C8orf34: variants seen among roughly 807,000 people sequenced by gnomAD.
The protein encoded by C8orf34 is uncharacterized protein C8orf34.
In C8orf34, 65 loss-of-function variants were observed where a neutral mutation model predicts 68.3. That is an observed-to-expected ratio of 0.95 (90% CI 0.78 to 1.17). The LOEUF is 1.17. Among genes scored for constraint, C8orf34 ranks in the 50% most tolerant of loss-of-function variants. The probability of loss-of-function intolerance (pLI) is 0.00; values close to 1 mark genes in which losing one functional copy is unlikely to be tolerated. For synonymous variants in C8orf34, 244 were observed against 241.2 expected (o/e 1.01, Z -0.11); for missense variants, 664 against 655.4 (o/e 1.01, Z -0.14).
At chr8:68,689,952 A>C (rs1820637879) in intron 8 of C8orf34, among the ~76,000 whole-genome samples, 1 of 152,012 alleles carries the variant, frequency 6.6e-6, no homozygotes, top group South Asian at 2.1e-4. Context: ...TCAAAGCCCC[A>C]ATTGCTACTG....
rs758118493 is a variant in C8orf34 at position 68,721,385 on chromosome 8, C to T, written c.1352C>T (p.Ala451Val). The stretch of plus-strand genomic sequence containing the variant: ...GATTCCTTGCCTGGGACTGAAGAAG[C>T]ACTAATGGAGGAGGGTGACGAATTT... ...SFDSLPGTEE[A>V]LMEEGDEFEK... Residue 451 changes from alanine to valine, a missense_variant, in exon 10 of 14, where the codon GCA becomes GTA. Ala to Val is a moderately conservative substitution (Grantham distance 64, BLOSUM62 0). Coordinates refer to ENST00000518698, the MANE Select transcript of C8orf34 (RefSeq NM_052958.4). 1 of 1,608,278 alleles carries T rather than the reference C, an allele frequency of 6.2e-7. No homozygotes were observed.
intron 8 of C8orf34, among the ~76,000 whole-genome samples, chr8:68,651,073 A>C (rs1819343803): frequency 6.6e-6 from 1 of 152,112 alleles, no homozygotes; most frequent in African/African-American, 2.4e-5. Context: ...CTATCTGCCT[A>C]AATTTCTTTC....
At chr8:68,414,126 C>G (rs1809562423) in intron 1 of C8orf34, among the ~76,000 whole-genome samples, 3 of 152,310 alleles carry the variant, frequency 2.0e-5, no homozygotes, top group Admixed American at 1.3e-4. Context: ...ATCACCCCCT[C>G]AGAGATGCTA....
chr8:68,450,104 T>A (rs1811284306), intron 3 of C8orf34, among the ~76,000 whole-genome samples: 2 of 152,268 alleles, frequency 1.3e-5, no homozygotes, highest in South Asian at 2.1e-4. Flanking sequence ...CACAACATCT[T>A]CACCTAGAGT....
intron 1 of C8orf34, among the ~76,000 whole-genome samples, chr8:68,387,383 T>C (rs1808305372): frequency 6.6e-6 from 1 of 152,146 alleles, no homozygotes; most frequent in Non-Finnish European, 1.5e-5. Context: ...CCTAGGGTGA[T>C]GGTTAAGTGG....
At chr8:68,404,127 T>C (rs1302072094) in intron 1 of C8orf34, among the ~76,000 whole-genome samples, 1 of 152,230 alleles carries the variant, frequency 6.6e-6, no homozygotes, top group Non-Finnish European at 1.5e-5. Context: ...TAATGACCAG[T>C]GATGATGAGC....
intron 1 of C8orf34, among the ~76,000 whole-genome samples, chr8:68,332,168 A>G (rs1805640537): frequency 6.6e-6 from 1 of 150,956 alleles, no homozygotes; most frequent in Non-Finnish European, 1.5e-5. Flanking sequence ...ACACGAGAAA[A>G]TGAGAACAAG....
intron 9 of C8orf34, among the ~76,000 whole-genome samples, chr8:68,714,800 A>G (rs1287943006): frequency 6.6e-6 from 1 of 152,200 alleles, no homozygotes; most frequent in Non-Finnish European, 1.5e-5. Flanking sequence ...GAACCGAAAA[A>G]GAGACTGCAT....
At chr8:68,660,853 C>G (rs927532067) in intron 8 of C8orf34, among the ~76,000 whole-genome samples, 2 of 151,970 alleles carry the variant, frequency 1.3e-5, no homozygotes, top group African/African-American at 4.8e-5. Context: ...TAGAAAAATT[C>G]CCTGTATTCA....
intron 7 of C8orf34, among the ~76,000 whole-genome samples, chr8:68,583,748 C>CT (rs920543583): frequency 7.2e-5 from 11 of 151,864 alleles, no homozygotes; most frequent in African/African-American, 1.7e-4. Flanking sequence ...ATAAACAATG[C>CT]TTTTTTTTCA....
At chr8:68,776,949 T>C (rs533752091) in intron 11 of C8orf34, among the ~76,000 whole-genome samples, 7 of 152,320 alleles carry the variant, frequency 4.6e-5, no homozygotes, top group African/African-American at 1.4e-4. Context: ...ACTTCTAGAT[T>C]TATTATTTTT....
intron 8 of C8orf34, among the ~76,000 whole-genome samples, chr8:68,692,163 G>A (rs1820703830): frequency 6.6e-6 from 1 of 151,972 alleles, no homozygotes; most frequent in Non-Finnish European, 1.5e-5. Context: ...CTGTCCATCT[G>A]GAATGGCTGA....
intron 10 of C8orf34, among the ~76,000 whole-genome samples, chr8:68,762,600 A>G (rs571085401): frequency 6.6e-6 from 1 of 152,328 alleles, no homozygotes; most frequent in East Asian, 1.9e-4. Context: ...AAATGCAAAC[A>G]CATGCAAAAA....
At chr8:68,537,144 C>A (rs1364166770) in intron 7 of C8orf34, among the ~76,000 whole-genome samples, 1 of 152,040 alleles carries the variant, frequency 6.6e-6, no homozygotes, top group East Asian at 1.9e-4. Flanking sequence ...AAAATAAGAA[C>A]AAGCATTTTG....
chr8:68,395,154 A>G (rs1205496050), intron 1 of C8orf34, among the ~76,000 whole-genome samples: 1 of 152,072 alleles, frequency 6.6e-6, no homozygotes, highest in Non-Finnish European at 1.5e-5. Context: ...AACTATCAGT[A>G]TGGAAATCCC....
At position 68,803,958 on chromosome 8, in the gene C8orf34, A is replaced by G. The variant is rs182058585; in HGVS notation, c.1550-11928A>G. On this transcript the variant is annotated intron_variant, in intron 12 of 13. Transcript: ENST00000518698. ...TTTGTGTTGCTTATGAACACTTATTACAAACATTTCTATGTAGAGAATTTA... is the reference window on the plus strand; with the variant it reads ...TTTGTGTTGCTTATGAACACTTATTGCAAACATTTCTATGTAGAGAATTTA... Among the ~76,000 whole-genome samples, 6 of 152,302 alleles carry G rather than the reference A, an allele frequency of 3.9e-5. No homozygotes were observed. In the East Asian group the frequency reaches 1.2e-3, roughly 29 times the overall value.
At chr8:68,662,760 T>A (rs2130814963) in intron 8 of C8orf34, among the ~76,000 whole-genome samples, 1 of 152,276 alleles carries the variant, frequency 6.6e-6, no homozygotes, top group Non-Finnish European at 1.5e-5. Context: ...TTCATAGGAA[T>A]CCCCTTTTTT....
Position 68,441,595 on chromosome 8 carries a change from C to T in C8orf34, c.475+1949C>T, listed in dbSNP as rs548087630. Among the ~76,000 whole-genome samples, 6 of 151,998 alleles carry T rather than the reference C, an allele frequency of 3.9e-5. No homozygotes were observed. In the South Asian group the frequency reaches 1.2e-3, roughly 32 times the overall value. On this transcript the variant is annotated intron_variant, in intron 2 of 13. Coordinates refer to ENST00000518698, the MANE Select transcript of C8orf34 (RefSeq NM_052958.4). ...TTCACTATAACCGTGAACTCCTGAG[C>T]TCAAGTGATCCTCCTGCTTCAGCCT...
At chr8:68,763,168 T>G (rs141512443) in intron 10 of C8orf34, among the ~76,000 whole-genome samples, 1 of 152,220 alleles carries the variant, frequency 6.6e-6, no homozygotes, top group Non-Finnish European at 1.5e-5. Flanking sequence ...ATGAATGAAT[T>G]TGTAAACAAA....
Sources: allele counts gnomAD v4.1 joint callset (sites outside exome capture counted in the v4.1 genomes callset), GRCh38; gene constraint gnomAD v4.1.1; transcripts MANE v1.5; gene names NCBI Gene and HGNC (gene_info 2026-07-23, HGNC 2026-07-21).